Variants in MALRD1 observed in about 807,000 individuals in gnomAD.
The protein encoded by MALRD1 is MAM and LDL receptor class A domain containing 1.
In MALRD1, 247 loss-of-function variants were observed where a neutral mutation model predicts 242.1. That is an observed-to-expected ratio of 1.02 (90% CI 0.92 to 1.13). The LOEUF is 1.13. Among genes scored for constraint, MALRD1 ranks in the 50% most tolerant of loss-of-function variants. MALRD1 has a pLI of 0.00. For missense variants in MALRD1, 2,989 were observed against 2,533.1 expected, an observed-to-expected ratio of 1.18 and a Z score of -3.86; for synonymous variants, 995 against 866.6, an observed-to-expected ratio of 1.15 and a Z score of -2.60.
chr10:19,472,859 A>T (rs1268298896), intron 29 of MALRD1, among the ~76,000 whole-genome samples: 2 of 150,528 alleles, frequency 1.3e-5, no homozygotes, highest in African/African-American at 2.4e-5. Flanking sequence ...TATCTTTTTA[A>T]TTTTTGTCTC....
At chr10:19,590,865 A>G (rs191783810) in intron 33 of MALRD1, among the ~76,000 whole-genome samples, 147 of 152,286 alleles carry the variant, frequency 9.7e-4, no homozygotes, top group African/African-American at 3.4e-3. Flanking sequence ...ATTTGTTACA[A>G]TCAGTGAGAT....
At chr10:19,228,007 A>G (rs1837874309) in intron 18 of MALRD1, among the ~76,000 whole-genome samples, 1 of 152,174 alleles carries the variant, frequency 6.6e-6, no homozygotes, top group Admixed American at 6.6e-5. Context: ...GGCTAGTGGG[A>G]CTTCAAAATG....
At chr10:19,257,855 C>A in intron 19 of MALRD1, 84 bp downstream of exon 19, 3 of 933,948 alleles carry the variant, frequency 3.2e-6, no homozygotes, top group South Asian at 2.1e-5. Flanking sequence ...TTCATTTCTA[C>A]AAAATTTCCA....
rs116793239 is a variant in MALRD1, at chr10:19,224,831, C to G, written c.2991+15151C>G. ...GTGTCTTTTGCTGTGCAGAAGCTAT[C>G]TTTAGTTTAATTAGATCCCATTTCT... is the stretch of plus-strand genomic sequence containing the variant. On this transcript the variant is annotated intron_variant, in intron 18 of 39. Coordinates refer to ENST00000454679, the MANE Select transcript of MALRD1 (RefSeq NM_001142308.3). Among the ~76,000 whole-genome samples the G allele has an allele frequency of 8.9e-3, 1,357 of 152,248 alleles. 16 individuals carry two copies. The highest frequency in any genetic ancestry group is 0.029 in the African/African-American group (1,218 of 41,550).
intron 32 of MALRD1, among the ~76,000 whole-genome samples, chr10:19,562,341 A>ATAGATAGATAGT (rs1554800975): frequency 2.2e-5 from 3 of 135,712 alleles, no homozygotes; most frequent in Admixed American, 7.0e-5. Context: ...AGATAGATAG[A>ATAGATAGATAGT]TAGTTAGATA....
chr10:19,509,274 G>A (rs1833288954), intron 31 of MALRD1, among the ~76,000 whole-genome samples: 1 of 152,140 alleles, frequency 6.6e-6, no homozygotes, highest in African/African-American at 2.4e-5. Flanking sequence ...GCGTTTATGA[G>A]CCAAAAACAA....
At chr10:19,691,379 T>C (rs1023102567) in intron 36 of MALRD1, among the ~76,000 whole-genome samples, 1 of 152,094 alleles carries the variant, frequency 6.6e-6, no homozygotes, top group Non-Finnish European at 1.5e-5. Flanking sequence ...AATTTAAAAG[T>C]GATTAAGTGA....
chr10:19,652,720 A>G (rs1840953361), intron 36 of MALRD1, among the ~76,000 whole-genome samples: 1 of 152,210 alleles, frequency 6.6e-6, no homozygotes, highest in Non-Finnish European at 1.5e-5. Flanking sequence ...TGTGATTGTC[A>G]TACATTACCT....
At chr10:19,401,922 TTGATAC>T (rs1362343949) in intron 28 of MALRD1, among the ~76,000 whole-genome samples, 1 of 152,196 alleles carries the variant, frequency 6.6e-6, no homozygotes, top group Non-Finnish European at 1.5e-5. Context: ...ACCACTCATG[TTGATAC>T]TTAAGAAAAC....
chr10:19,585,113 G>A (rs1204120949), intron 33 of MALRD1, among the ~76,000 whole-genome samples: 3 of 152,130 alleles, frequency 2.0e-5, no homozygotes, highest in African/African-American at 7.2e-5. Flanking sequence ...TTGTGCCTAT[G>A]TGTGTCTCTG....
intron 2 of MALRD1, among the ~76,000 whole-genome samples, chr10:19,068,397 T>C (rs189221798): frequency 6.6e-6 from 1 of 152,178 alleles, no homozygotes; most frequent in Admixed American, 6.6e-5. Flanking sequence ...TATAGGCAGA[T>C]ACCATAGAAC....
chr10:19,626,904 A>G (rs943016036), intron 36 of MALRD1, among the ~76,000 whole-genome samples: 2 of 152,132 alleles, frequency 1.3e-5, no homozygotes, highest in African/African-American at 4.8e-5. Flanking sequence ...AATAAATAAA[A>G]CTTAAAGCCA....
chr10:19,486,280 C>T (rs1417596585), intron 29 of MALRD1, among the ~76,000 whole-genome samples: 1 of 152,172 alleles, frequency 6.6e-6, no homozygotes, highest in African/African-American at 2.4e-5. Flanking sequence ...TAAGTCTGAT[C>T]AGTTTTTTTT....
chr10:19,627,287 A>C (rs751450582), intron 36 of MALRD1, among the ~76,000 whole-genome samples: 13 of 152,270 alleles, frequency 8.5e-5, no homozygotes, highest in South Asian at 6.2e-4. Flanking sequence ...TTGAAGTATG[A>C]GGGTCTTTTC....
At chr10:19,505,437 A>G (rs1247047281) in intron 31 of MALRD1, among the ~76,000 whole-genome samples, 1 of 152,164 alleles carries the variant, frequency 6.6e-6, no homozygotes, top group Non-Finnish European at 1.5e-5. Flanking sequence ...TCAAGTACAG[A>G]GGAAAGGCCA....
chr10:19,147,594 A>T (rs556646837), intron 11 of MALRD1, among the ~76,000 whole-genome samples: 1 of 152,376 alleles, frequency 6.6e-6, no homozygotes, highest in East Asian at 1.9e-4. Flanking sequence ...GCCAATTATT[A>T]AATACATAGC....
intron 38 of MALRD1, among the ~76,000 whole-genome samples, chr10:19,698,984 T>C (rs557233567): frequency 2.0e-4 from 30 of 151,614 alleles, no homozygotes; most frequent in African/African-American, 6.1e-4. Context: ...TAAGTGAGAG[T>C]TGAACAATGA....
At chr10:19,541,640 A>G (rs1834976987) in intron 32 of MALRD1, among the ~76,000 whole-genome samples, 1 of 152,220 alleles carries the variant, frequency 6.6e-6, no homozygotes, top group African/African-American at 2.4e-5. Flanking sequence ...TGAATAACAG[A>G]AAAAGGCAAG....
At chr10:19,219,370 C>T (rs941452069) in intron 18 of MALRD1, among the ~76,000 whole-genome samples, 1 of 152,090 alleles carries the variant, frequency 6.6e-6, no homozygotes, top group Non-Finnish European at 1.5e-5. Flanking sequence ...TAGAATACTG[C>T]AAAGAAATAG....
Sources: gnomAD v4.1 joint callset for allele counts (sites outside exome capture counted in the v4.1 genomes callset) on GRCh38, gnomAD v4.1.1 for gene constraint, MANE v1.5 for transcripts, NCBI Gene and HGNC (gene_info 2026-07-23, HGNC 2026-07-21) for gene names.